Variants in FSTL4 observed in about 807,000 individuals in gnomAD.
FSTL4 encodes follistatin-related protein 4.
Under a neutral mutation model 78.2 loss-of-function variants are expected in FSTL4, and 28 were observed. The observed-to-expected ratio is 0.36, with a 90% CI of 0.27 to 0.49. The LOEUF is 0.49. Ranked by LOEUF, FSTL4 falls within the 20% of genes least tolerant of loss-of-function variation. The pLI, the probability that FSTL4 is intolerant of heterozygous loss-of-function variation, is 0.98. For missense variants in FSTL4, 922 were observed against 1,084.9 expected (o/e 0.85, Z 2.11); for synonymous variants, 422 against 440.5 (o/e 0.96, Z 0.53).
chr5:133,324,506 G>A (rs749859955), intron 4 of FSTL4, among the ~76,000 whole-genome samples: 19 of 152,064 alleles, frequency 1.2e-4, no homozygotes, highest in Non-Finnish European at 2.4e-4. Flanking sequence ...CCTGCCTAAC[G>A]GGCACCCTCG....
At chr5:133,496,232 G>C (rs1367664884) in intron 3 of FSTL4, among the ~76,000 whole-genome samples, 1 of 152,194 alleles carries the variant, frequency 6.6e-6, no homozygotes, top group African/African-American at 2.4e-5. Context: ...GGGAGATGTA[G>C]CAAATGCTCT....
At chr5:133,298,101 C>G (rs570974554) in intron 6 of FSTL4, among the ~76,000 whole-genome samples, 52 of 152,330 alleles carry the variant, frequency 3.4e-4, no homozygotes, top group Middle Eastern at 6.8e-3. Flanking sequence ...AACTCTCTAG[C>G]TGAGAGGTGG....
the FSTL4 span, among the ~76,000 whole-genome samples, chr5:133,761,041 C>T: frequency 6.6e-6 from 1 of 152,224 alleles, no homozygotes; most frequent in Non-Finnish European, 1.5e-5. Context: ...TTGATCACCG[C>T]AGCAAATCAA....
At chr5:133,827,452 G>A in the FSTL4 span, among the ~76,000 whole-genome samples, 14,066 of 152,070 alleles carry the variant, frequency 0.092, 818 homozygotes, top group East Asian at 0.19. Context: ...CAGCTGATAT[G>A]GATGCAGATA....
At chr5:133,489,300 G>T (rs1370863455) in intron 3 of FSTL4, among the ~76,000 whole-genome samples, 1 of 152,194 alleles carries the variant, frequency 6.6e-6, no homozygotes, top group East Asian at 1.9e-4. Flanking sequence ...GGGGCCAAGT[G>T]TCATGAGAGG....
At chr5:133,321,337 G>A (rs1402955328) in intron 4 of FSTL4, among the ~76,000 whole-genome samples, 1 of 152,156 alleles carries the variant, frequency 6.6e-6, no homozygotes, top group South Asian at 2.1e-4. Context: ...ATCACTCTCC[G>A]TGCCCTGACA....
intron 3 of FSTL4, among the ~76,000 whole-genome samples, chr5:133,548,308 G>C: frequency 6.6e-6 from 1 of 151,776 alleles, no homozygotes; most frequent in Non-Finnish European, 1.5e-5. Flanking sequence ...TGAACCTATG[G>C]TTAGCGTTTG....
At chr5:133,754,148 A>G in the FSTL4 span, among the ~76,000 whole-genome samples, 1 of 152,214 alleles carries the variant, frequency 6.6e-6, no homozygotes, top group Admixed American at 6.5e-5. Flanking sequence ...TTGACTTACA[A>G]TTCAATCATC....
chr5:133,427,299 G>A (rs189799958), intron 3 of FSTL4, among the ~76,000 whole-genome samples: 2 of 152,360 alleles, frequency 1.3e-5, no homozygotes, highest in East Asian at 3.9e-4. Flanking sequence ...CTGGAAGGGT[G>A]CCTTGTTTTA....
chr5:133,608,192 G>A (rs1266762911), intron 1 of FSTL4, among the ~76,000 whole-genome samples: 2 of 152,170 alleles, frequency 1.3e-5, no homozygotes, highest in East Asian at 1.9e-4. Context: ...AGATTAATAA[G>A]TTTCATTCAA....
the FSTL4 span, among the ~76,000 whole-genome samples, chr5:133,832,401 G>A: frequency 6.6e-6 from 1 of 152,152 alleles, no homozygotes; most frequent in African/African-American, 2.4e-5. Flanking sequence ...TTATCAAGTT[G>A]TAAATTGCAG....
chr5:133,448,739 C>T (rs6888860), intron 3 of FSTL4, among the ~76,000 whole-genome samples: 33 of 19,456 alleles, frequency 1.7e-3, no homozygotes, highest in South Asian at 7.2e-3. Flanking sequence ...GGTGCGGGGG[C>T]GGGGGGGGGG....
intron 4 of FSTL4, among the ~76,000 whole-genome samples, chr5:133,384,338 A>T (rs936880464): frequency 6.6e-6 from 1 of 152,200 alleles, no homozygotes; most frequent in Admixed American, 6.5e-5. Context: ...CGGGGTGGTG[A>T]CAGGGTGCGC....
intron 4 of FSTL4, among the ~76,000 whole-genome samples, chr5:133,372,766 C>T (rs181507991): frequency 6.6e-6 from 1 of 152,298 alleles, no homozygotes; most frequent in African/African-American, 2.4e-5. Flanking sequence ...TCAAATGTGG[C>T]ATTTTATGGT....
At chr5:133,759,845 TGA>T in the FSTL4 span, among the ~76,000 whole-genome samples, 1 of 152,192 alleles carries the variant, frequency 6.6e-6, no homozygotes, top group African/African-American at 2.4e-5. Flanking sequence ...GTAGATGAGA[TGA>T]GAGGTGATTT....
chr5:133,230,724 C>A (rs1274603446), intron 8 of FSTL4, among the ~76,000 whole-genome samples: 1 of 152,172 alleles, frequency 6.6e-6, no homozygotes, highest in East Asian at 1.9e-4. Context: ...GATCACTAGG[C>A]CTCTTCTCCT....
rs867130764 is a variant in FSTL4, at chr5:133,338,187, C to T, written c.410-21535G>A. On this transcript the variant is annotated intron_variant, in intron 4 of 15. Coordinates refer to ENST00000265342, the MANE Select transcript of FSTL4 (RefSeq NM_015082.2). This position sits in a 1 kb window ranked among gnomAD's most constrained non-coding sequence, Gnocchi z 4.0. ...GATTGAGTCATGTTTCTAGATGACT[C>T]GGGTCACTCACTGGCCCTGGCCCTG... is the stretch of plus-strand genomic sequence containing the variant. Among the ~76,000 whole-genome samples the T allele has an allele frequency of 1.2e-4, 19 of 152,166 alleles. No homozygotes were observed. Among genetic ancestry groups the T allele is most frequent in the African/African-American group, 2.4e-4 (10 of 41,440 alleles).
At chr5:133,359,081 C>T (rs939052683) in intron 4 of FSTL4, among the ~76,000 whole-genome samples, 4 of 152,146 alleles carry the variant, frequency 2.6e-5, no homozygotes, top group South Asian at 2.1e-4. Context: ...TGCCATTGGC[C>T]GCTCTTCTAG....
the FSTL4 span, among the ~76,000 whole-genome samples, chr5:133,739,374 T>C: frequency 1.3e-5 from 2 of 151,426 alleles, no homozygotes; most frequent in African/African-American, 2.4e-5. Flanking sequence ...AGGCACCACG[T>C]AGGGAGTCGC....
Sources: allele counts gnomAD v4.1 joint callset (sites outside exome capture counted in the v4.1 genomes callset), GRCh38; gene constraint gnomAD v4.1.1; non-coding constraint Gnocchi (gnomAD v3.1); transcripts MANE v1.5; gene names NCBI Gene and HGNC (gene_info 2026-07-23, HGNC 2026-07-21).